TBL1X: variants seen among roughly 807,000 people sequenced by gnomAD.
TBL1X encodes the protein F-box-like/WD repeat-containing protein TBL1X.
A neutral mutation model predicts 50.7 loss-of-function variants in TBL1X; 10 were observed. The observed-to-expected ratio is 0.20, with a 90% CI of 0.12 to 0.33. TBL1X has a LOEUF of 0.33. TBL1X is among the 10% of genes least tolerant of loss of function. The probability of loss-of-function intolerance (pLI) is 1.00; values close to 1 mark genes in which losing one functional copy is unlikely to be tolerated. For synonymous variants in TBL1X, 190 were observed against 214.7 expected (o/e 0.88, Z 1.01); for missense variants, 340 against 504.4 (o/e 0.67, Z 3.12).
intron 12 of TBL1X, among the ~76,000 whole-genome samples, chrX:9,699,692 G>A (rs772953400): frequency 8.9e-6 from 1 of 111,772 alleles, no homozygotes; most frequent in East Asian, 2.8e-4. Context: ...GCACGATTGT[G>A]TTAGATGCAT....
At chrX:9,630,305 C>T (rs1241682632) in intron 2 of TBL1X, among the ~76,000 whole-genome samples, 2 of 111,715 alleles carry the variant, frequency 1.8e-5, no homozygotes, top group African/African-American at 6.5e-5. Context: ...CCACAGATTC[C>T]CTAAGGACGT....
At chrX:9,575,757 C>G (rs1052229986) in intron 2 of TBL1X, among the ~76,000 whole-genome samples, 1 of 112,089 alleles carries the variant, frequency 8.9e-6, no homozygotes, top group Non-Finnish European at 1.9e-5. Context: ...AACAGATTAT[C>G]TGTGTACTAT....
intron 5 of TBL1X, among the ~76,000 whole-genome samples, chrX:9,659,189 G>C (rs2521590): frequency 0.16 from 18,009 of 111,475 alleles, 1,317 homozygotes; most frequent in East Asian, 0.32. Flanking sequence ...GGAATGCGCG[G>C]AGCTGGCTTG....
At chrX:9,552,139 T>A (rs1334313579) in intron 2 of TBL1X, among the ~76,000 whole-genome samples, 3 of 112,106 alleles carry the variant, frequency 2.7e-5, no homozygotes, top group African/African-American at 9.7e-5. Context: ...TTTGTTTCTC[T>A]TGGCTTCAAG....
chrX:9,488,684 A>C (rs1889846091), intron 1 of TBL1X, among the ~76,000 whole-genome samples: 1 of 112,109 alleles, frequency 8.9e-6, no homozygotes, highest in Non-Finnish European at 1.9e-5. Context: ...TCAGTCTTCA[A>C]GGACAGACTT....
chrX:9,673,760 T>C (rs1472739602), intron 5 of TBL1X, among the ~76,000 whole-genome samples: 1 of 112,331 alleles, frequency 8.9e-6, no homozygotes, highest in Admixed American at 9.4e-5. Flanking sequence ...TTCAACCAAC[T>C]GTGACTCAAA....
At chrX:9,582,903 T>A (rs191630823) in intron 2 of TBL1X, among the ~76,000 whole-genome samples, 3 of 112,693 alleles carry the variant, frequency 2.7e-5, no homozygotes, top group Non-Finnish European at 5.6e-5. Context: ...CACGAGCTTG[T>A]CTCATCGTCC....
intron 3 of TBL1X, 67 bp from the exon 4 acceptor site, chrX:9,653,478 C>T (rs897006233): frequency 2.8e-5 from 19 of 683,277 alleles, no homozygotes; most frequent in South Asian, 5.8e-5. Flanking sequence ...ACGGATGCAG[C>T]GGATTCTGTG....
At chrX:9,662,530 G>A (rs1416297043) in intron 5 of TBL1X, among the ~76,000 whole-genome samples, 1 of 112,206 alleles carries the variant, frequency 8.9e-6, no homozygotes, top group Non-Finnish European at 1.9e-5. Flanking sequence ...AAAAAGACAG[G>A]CAGTGGAAGG....
intron 1 of TBL1X, among the ~76,000 whole-genome samples, chrX:9,488,384 G>C (rs779663567): frequency 1.8e-5 from 2 of 111,710 alleles, no homozygotes; most frequent in South Asian, 7.5e-4. Flanking sequence ...CCGCATTCCT[G>C]AGCTTGTGGC....
intron 2 of TBL1X, among the ~76,000 whole-genome samples, chrX:9,548,429 C>T (rs896010207): frequency 1.8e-5 from 2 of 111,454 alleles, no homozygotes; most frequent in Non-Finnish European, 3.8e-5. Context: ...TGCTTTTAAG[C>T]CCCCCATTTA....
intron 16 of TBL1X, among the ~76,000 whole-genome samples, chrX:9,714,217 A>G (rs909638449): frequency 2.7e-5 from 3 of 112,410 alleles, no homozygotes; most frequent in African/African-American, 9.7e-5. Context: ...TTTCCATTAC[A>G]TGTATATTAT....
At chrX:9,475,648 T>A (rs2081845358) in intron 1 of TBL1X, among the ~76,000 whole-genome samples, 1 of 110,250 alleles carries the variant, frequency 9.1e-6, no homozygotes, top group Non-Finnish European at 1.9e-5. Context: ...CATTGTGGGC[T>A]GTGGAGGTGA....
intron 2 of TBL1X, among the ~76,000 whole-genome samples, chrX:9,529,902 C>T (rs1005690095): frequency 9.0e-6 from 1 of 110,745 alleles, no homozygotes; most frequent in African/African-American, 3.3e-5. Context: ...CACCATGGCA[C>T]TCCAGCCTGG....
intron 2 of TBL1X, among the ~76,000 whole-genome samples, chrX:9,534,689 C>T (rs2082179159): frequency 9.0e-6 from 1 of 111,041 alleles, no homozygotes; most frequent in African/African-American, 3.3e-5. Context: ...TTACTGGGGA[C>T]GGATGTTGGT....
chrX:9,655,629 C>T (rs772807432), intron 5 of TBL1X, among the ~76,000 whole-genome samples: 119 of 111,230 alleles, frequency 1.1e-3, no homozygotes, highest in Middle Eastern at 4.7e-3. Flanking sequence ...GGGTTTTAAG[C>T]TTCGTGCCCT....
chrX:9,539,817 C>G (rs753906515), intron 2 of TBL1X, among the ~76,000 whole-genome samples: 6 of 112,046 alleles, frequency 5.4e-5, no homozygotes, highest in South Asian at 7.5e-4. Flanking sequence ...CACTCCACCC[C>G]CTTCATTATC....
At chrX:9,499,467 A>G (rs773243317) in intron 1 of TBL1X, among the ~76,000 whole-genome samples, 48 of 112,101 alleles carry the variant, frequency 4.3e-4, no homozygotes, top group Non-Finnish European at 7.5e-5. Context: ...CGGAAGAGAA[A>G]GGGGAAAGAG....
At chrX:9,661,959 A>C (rs773930799) in intron 5 of TBL1X, among the ~76,000 whole-genome samples, 73 of 111,571 alleles carry the variant, frequency 6.5e-4, no homozygotes, top group African/African-American at 2.3e-3. Context: ...AGAAGAGAAC[A>C]CTGTTCAAAG....
Sources: gnomAD v4.1 joint callset for allele counts (sites outside exome capture counted in the v4.1 genomes callset) on GRCh38, gnomAD v4.1.1 for gene constraint, MANE v1.5 for transcripts, NCBI Gene and HGNC (gene_info 2026-07-23, HGNC 2026-07-21) for gene names.